Variants in SPOP observed in about 807,000 individuals in gnomAD.
SPOP encodes the protein speckle type BTB/POZ protein.
SPOP carries 11 observed loss-of-function variants against 45.6 expected under a neutral mutation model. That is an observed-to-expected ratio of 0.24 (90% CI 0.15 to 0.40). SPOP has a LOEUF of 0.40. Among genes scored for constraint, SPOP ranks in the 10% least tolerant of loss-of-function variants. The pLI is 1.00. For synonymous variants in SPOP, 166 were observed against 166.3 expected (o/e 1.00, Z 0.01); for missense variants, 152 against 465.6 (o/e 0.33, Z 6.20).
At chr17:49,656,779 T>TG (rs2072918095) in intron 1 of SPOP, among the ~76,000 whole-genome samples, 1 of 152,232 alleles carries the variant, frequency 6.6e-6, no homozygotes, top group African/African-American at 2.4e-5. Flanking sequence ...ATTCTCTGTA[T>TG]GTTTTTCCCT....
chr17:49,642,932 C>T (rs1371192535), intron 1 of SPOP, among the ~76,000 whole-genome samples: 1 of 152,206 alleles, frequency 6.6e-6, no homozygotes, highest in Non-Finnish European at 1.5e-5. Flanking sequence ...TTAAAGTTGG[C>T]GTAAGCCTAG....
At chr17:49,665,645 T>TACACACACAC (rs1357014381) in intron 1 of SPOP, among the ~76,000 whole-genome samples, 5 of 62,400 alleles carry the variant, frequency 8.0e-5, no homozygotes, top group South Asian at 6.2e-4. Flanking sequence ...TATATATATA[T>TACACACACAC]ACAGACACAC....
chr17:49,605,490 G>A (rs984208426), intron 8 of SPOP, among the ~76,000 whole-genome samples: 13 of 152,188 alleles, frequency 8.5e-5, no homozygotes, highest in African/African-American at 3.1e-4. Context: ...AGGAGTTCGA[G>A]AGCAGCCTGG....
chr17:49,668,434 T>G (rs2073091009), intron 1 of SPOP, among the ~76,000 whole-genome samples: 1 of 151,936 alleles, frequency 6.6e-6, no homozygotes, highest in African/African-American at 2.4e-5. Context: ...AGCAAAAATA[T>G]TAAGGTAAAG....
chr17:49,655,384 A>G (rs994665997), intron 1 of SPOP, among the ~76,000 whole-genome samples: 4 of 151,690 alleles, frequency 2.6e-5, no homozygotes, highest in South Asian at 4.2e-4. Flanking sequence ...GGTGGCGGGC[A>G]CCTGTAGTCC....
chr17:49,670,639 G>C (rs1019666323), intron 1 of SPOP, among the ~76,000 whole-genome samples: 14 of 152,176 alleles, frequency 9.2e-5, no homozygotes, highest in Admixed American at 8.5e-4. Flanking sequence ...CAGTTCTGCT[G>C]TATCTTTCAT....
At chr17:49,647,254 C>G (rs1461585462) in intron 1 of SPOP, among the ~76,000 whole-genome samples, 1 of 133,394 alleles carries the variant, frequency 7.5e-6, no homozygotes, top group Admixed American at 8.9e-5. Flanking sequence ...AGGTTGCAGA[C>G]AGCCGAGATC....
intron 1 of SPOP, chr17:49,636,777 A>G (rs1376893569): frequency 6.6e-6 from 1 of 152,216 alleles, no homozygotes; most frequent in African/African-American, 2.4e-5. Context: ...GTCAGTAGGA[A>G]AACTCTAATT....
intron 1 of SPOP, among the ~76,000 whole-genome samples, chr17:49,659,770 A>G (rs1597976755): frequency 6.6e-6 from 1 of 152,288 alleles, no homozygotes; most frequent in East Asian, 1.9e-4. Context: ...CCTCATTCGC[A>G]TCTCAAATTT....
At chr17:49,609,978 T>C (rs2071934643) in intron 6 of SPOP, among the ~76,000 whole-genome samples, 1 of 151,982 alleles carries the variant, frequency 6.6e-6, no homozygotes, top group Non-Finnish European at 1.5e-5. Flanking sequence ...CCACTGAGAA[T>C]GCAGGTGAGG....
intron 3 of SPOP, 149 bp downstream of exon 3, chr17:49,621,797 A>C (rs1228510557): frequency 1.3e-6 from 1 of 742,036 alleles, no homozygotes; most frequent in Non-Finnish European, 2.2e-6. Flanking sequence ...ATTATGTGCC[A>C]GGCACTGTGC....
At chr17:49,668,877 C>T (rs1165127674) in intron 1 of SPOP, among the ~76,000 whole-genome samples, 1 of 150,586 alleles carries the variant, frequency 6.6e-6, no homozygotes, top group African/African-American at 2.4e-5. Flanking sequence ...CCCAGGTTCC[C>T]GCCATTCTCC....
chr17:49,622,075 T>A lies in SPOP; in HGVS notation c.79-8A>T. Reference sequence around the variant, plus strand: ...GAATTTCACTACCTTGATCTGTTGATAGAAAAACAGGAAGCAATTAAATAG... The same window carrying A: ...GAATTTCACTACCTTGATCTGTTGAAAGAAAAACAGGAAGCAATTAAATAG... On this transcript the variant is annotated splice_region_variant and splice_polypyrimidine_tract_variant and intron_variant, in intron 2 of 9. Coordinates refer to ENST00000504102, the MANE Select transcript of SPOP (RefSeq NM_001007228.2). 1 of 1,612,178 alleles carries A rather than the reference T, an allele frequency of 6.2e-7. No individual in the cohort carries two copies. Among genetic ancestry groups the A allele is most frequent in the Non-Finnish European group, 8.5e-7 (1 of 1,179,194 alleles).
chr17:49,624,311 ACACACACACGCGCGCGCGCG>A (rs1447406197), intron 1 of SPOP, among the ~76,000 whole-genome samples: 7 of 123,872 alleles, frequency 5.7e-5, no homozygotes, highest in Admixed American at 2.6e-4. Context: ...ACGCGGGAAC[ACACACACACGCGCGCGCGCG>A]CACACACACA....
intron 1 of SPOP, among the ~76,000 whole-genome samples, chr17:49,643,074 T>A (rs893011130): frequency 3.3e-5 from 5 of 152,232 alleles, no homozygotes; most frequent in African/African-American, 1.2e-4. Context: ...TATTTGAAGG[T>A]CTTATTGGTT....
At chr17:49,624,955 T>C (rs1313612231) in intron 1 of SPOP, among the ~76,000 whole-genome samples, 2 of 152,090 alleles carry the variant, frequency 1.3e-5, no homozygotes, top group African/African-American at 2.4e-5. Flanking sequence ...GGAAAATACA[T>C]GTACCCTAAA....
chr17:49,667,422 T>A (rs1301446246), intron 1 of SPOP, among the ~76,000 whole-genome samples: 1 of 150,184 alleles, frequency 6.7e-6, no homozygotes, highest in East Asian at 2.0e-4. Flanking sequence ...AAACCTCGTC[T>A]CTACTAAAAT....
intron 1 of SPOP, 71 bp from the exon 2 acceptor site, chr17:49,622,947 G>C: frequency 2.9e-6 from 2 of 693,290 alleles, no homozygotes; most frequent in Non-Finnish European, 4.8e-6. Context: ...TGTTTGACCT[G>C]ATAGAGGCTG....
At chr17:49,604,803 T>C (rs2071806610) in intron 8 of SPOP, among the ~76,000 whole-genome samples, 1 of 152,194 alleles carries the variant, frequency 6.6e-6, no homozygotes, top group African/African-American at 2.4e-5. Context: ...TTGAGTTCTC[T>C]CTCTGATGTA....
Sources: gnomAD v4.1 joint callset for allele counts (sites outside exome capture counted in the v4.1 genomes callset) on GRCh38, gnomAD v4.1.1 for gene constraint, MANE v1.5 for transcripts, NCBI Gene and HGNC (gene_info 2026-07-23, HGNC 2026-07-21) for gene names.